GMPS: variants seen among roughly 807,000 people sequenced by gnomAD.
GMPS encodes the protein GMP synthase [glutamine-hydrolyzing].
Under a neutral mutation model 77.9 loss-of-function variants are expected in GMPS, and 15 were observed. The ratio of observed to expected loss-of-function variants is 0.19; its 90% CI spans 0.13 to 0.30. The LOEUF is 0.30. GMPS is among the 10% of genes least tolerant of loss of function. GMPS has a pLI of 1.00. For missense variants in GMPS, 590 were observed against 838.8 expected (o/e 0.70, Z 3.66); for synonymous variants, 224 against 275.9 (o/e 0.81, Z 1.86).
intron 5 of GMPS, 107 bp from the exon 6 acceptor site, chr3:155,910,585 A>G: frequency 1.8e-6 from 1 of 560,116 alleles, no homozygotes; most frequent in South Asian, 2.9e-5. Context: ...AAAAAAAAAA[A>G]AAAAATGAAA....
chr3:155,931,876 A>G lies in GMPS; in HGVS notation c.1672A>G (p.Asn558Asp). 3 of 1,427,140 alleles carry G rather than the reference A, an allele frequency of 2.1e-6. No individual in the cohort carries two copies. The highest frequency in any genetic ancestry group is 3.0e-6 in the Non-Finnish European group (3 of 1,010,762). 88.4% of individuals were successfully genotyped at this position (1,427,140 alleles called of 1,614,324 possible). The change falls in exon 13 of 16, where the codon AAC becomes GAC. Residue 558 changes from asparagine to aspartate, a missense_variant. Physicochemically the swap from Asn to Asp is conservative, Grantham distance 23. Coordinates refer to ENST00000496455, the MANE Select transcript of GMPS (RefSeq NM_003875.3). ...TATACCTCGCATGTGTCACAACGTT[A>G]ACAGGTGTGTTTCACAGGAGCTAGG... The part of the protein sequence containing the change: ...RLIPRMCHNV[N>D]RVVYIFGPPV...
At chr3:155,889,047 G>A (rs1488802642) in intron 1 of GMPS, among the ~76,000 whole-genome samples, 2 of 151,970 alleles carry the variant, frequency 1.3e-5, no homozygotes, top group Non-Finnish European at 2.9e-5. Flanking sequence ...TTTACTTTTA[G>A]TAACTTTGTA....
intron 1 of GMPS, among the ~76,000 whole-genome samples, chr3:155,873,167 G>A (rs1577494236): frequency 6.6e-6 from 1 of 152,166 alleles, no homozygotes; most frequent in East Asian, 1.9e-4. Context: ...GTACATTTCA[G>A]TTATCAGGAT....
In GMPS at chr3:155,888,974, A is replaced by G. The variant is rs1322113492; in HGVS notation, c.28-4544A>G. 2.6e-5 allele frequency among the ~76,000 whole-genome samples: 4 copies of G among 151,820 alleles called. No homozygotes were observed. In the South Asian group the frequency reaches 8.4e-4, roughly 32 times the overall value. On this transcript the variant is annotated intron_variant, in intron 1 of 15. Coordinates refer to ENST00000496455, the MANE Select transcript of GMPS (RefSeq NM_003875.3). ...GGGCTCAAGCGATCTGCCTCCCTCC[A>G]CTACCGCCTCCCAAAGTGCTGGTAT...
At chr3:155,876,241 C>G (rs1754046744) in intron 1 of GMPS, among the ~76,000 whole-genome samples, 1 of 152,162 alleles carries the variant, frequency 6.6e-6, no homozygotes, top group South Asian at 2.1e-4. Context: ...GTGGCTGTAA[C>G]ACAACTGGGA....
rs778718154 is a variant in GMPS at position 155,914,164 on chromosome 3, T to C, written c.887-255T>C. 1.1e-3 allele frequency among the ~76,000 whole-genome samples: 160 copies of C among 152,072 alleles called. 1 individual carries two copies. The highest frequency in any genetic ancestry group is 1.0e-3 in the Non-Finnish European group (68 of 67,994). ...GATTTCACCATGTTAGCCAGGATGGTCTTGATCTCCTGACCTCGTGATCCA... is the reference window on the plus strand; with the variant it reads ...GATTTCACCATGTTAGCCAGGATGGCCTTGATCTCCTGACCTCGTGATCCA... On this transcript the variant is annotated intron_variant, in intron 7 of 15. Transcript: ENST00000496455.
At chr3:155,880,012 C>G (rs1050298999) in intron 1 of GMPS, among the ~76,000 whole-genome samples, 1 of 151,328 alleles carries the variant, frequency 6.6e-6, no homozygotes, top group Non-Finnish European at 1.5e-5. Context: ...TATTTTCTGC[C>G]ATTCTGTAGA....
At chr3:155,901,085 C>T (rs925474648) in intron 3 of GMPS, among the ~76,000 whole-genome samples, 1 of 152,118 alleles carries the variant, frequency 6.6e-6, no homozygotes, top group African/African-American at 2.4e-5. Context: ...ATCCCCCAGC[C>T]TAAAAAATAG....
chr3:155,893,763 A>T, intron 2 of GMPS, 64 bp downstream of exon 2: 1 of 891,238 alleles, frequency 1.1e-6, no homozygotes, highest in Non-Finnish European at 1.6e-6. Context: ...TTTTATTATT[A>T]ATTTTCTTGA....
intron 1 of GMPS, among the ~76,000 whole-genome samples, chr3:155,889,984 G>A (rs1158046037): frequency 6.6e-6 from 1 of 152,058 alleles, no homozygotes; most frequent in East Asian, 1.9e-4. Flanking sequence ...TTTCTCATTA[G>A]GATGGTTTTT....
intron 1 of GMPS, 69 bp downstream of exon 1, chr3:155,870,966 CG>C: frequency 7.4e-7 from 1 of 1,354,942 alleles, no homozygotes; most frequent in Non-Finnish European, 9.6e-7. Context: ...GGAGCCACCC[CG>C]CGAGGCCCTT....
rs76530828 is a variant in GMPS, at chr3:155,937,220, A to G, written c.1981-371A>G. 4.9e-3 allele frequency among the ~76,000 whole-genome samples: 751 copies of G among 152,334 alleles called. 4 individuals are homozygous for G. Among genetic ancestry groups the G allele is most frequent in the Non-Finnish European group, 7.4e-3 (502 of 68,030 alleles). ...TTAGAGTTGTATGTTTAAGCTGCAGATAATTTGCAGAGCATTGGCTGAAAC... is the reference window on the plus strand; with the variant it reads ...TTAGAGTTGTATGTTTAAGCTGCAGGTAATTTGCAGAGCATTGGCTGAAAC... On this transcript the variant is annotated intron_variant, in intron 15 of 15. Coordinates refer to ENST00000496455, the MANE Select transcript of GMPS (RefSeq NM_003875.3).
At chr3:155,919,401 A>C in intron 10 of GMPS, 63 bp downstream of exon 10, 1 of 742,590 alleles carries the variant, frequency 1.3e-6, no homozygotes, top group East Asian at 2.7e-5. Flanking sequence ...AGAAAAATCA[A>C]TTCAGACAAT....
chr3:155,874,261 T>C lies in GMPS; in HGVS notation c.27+3364T>C, dbSNP rs78898441. On this transcript the variant is annotated intron_variant, in intron 1 of 15. Transcript: ENST00000496455. ...CCTGTCTAAGGGTGAAACTCTTGGT[T>C]GGAGTAAAGGTGGTACCTGTCCTAT... 6.8e-4 allele frequency among the ~76,000 whole-genome samples: 103 copies of C among 152,336 alleles called. 1 individual carries two copies. In the East Asian group the frequency reaches 0.018, roughly 27 times the overall value.
intron 1 of GMPS, among the ~76,000 whole-genome samples, chr3:155,877,918 C>CATG (rs1754093308): frequency 6.6e-6 from 1 of 151,542 alleles, no homozygotes. Context: ...AGTAGCTGGG[C>CATG]ATGCGCCACC....
chr3:155,910,430 G>A (rs573092128), intron 5 of GMPS, among the ~76,000 whole-genome samples: 4 of 152,032 alleles, frequency 2.6e-5, no homozygotes, highest in Admixed American at 1.3e-4. Flanking sequence ...TCAGCTGGGC[G>A]TGGTGGCACA....
intron 10 of GMPS, among the ~76,000 whole-genome samples, chr3:155,920,585 A>AG (rs1050750015): frequency 6.7e-6 from 1 of 149,008 alleles, no homozygotes; most frequent in Admixed American, 6.6e-5. Context: ...AAAAAAAAAA[A>AG]AAAAGAAAAA....
At chr3:155,911,478 A>G (rs532897816) in intron 7 of GMPS, among the ~76,000 whole-genome samples, 199 bp downstream of exon 7, 1 of 152,320 alleles carries the variant, frequency 6.6e-6, no homozygotes, top group African/African-American at 2.4e-5. Context: ...AATTTAATAC[A>G]TAGATTGATA....
chr3:155,870,501 G>A (rs867684144), upstream of GMPS: 548 of 216,380 alleles, frequency 2.5e-3, 8 homozygotes, highest in South Asian at 0.024. Flanking sequence ...GGACCGGGCT[G>A]GGGGCGGGGC....
Sources: allele counts gnomAD v4.1 joint callset (sites outside exome capture counted in the v4.1 genomes callset), GRCh38; gene constraint gnomAD v4.1.1; transcripts MANE v1.5; gene names NCBI Gene and HGNC (gene_info 2026-07-23, HGNC 2026-07-21).